Variants in HS3ST3A1 observed in about 807,000 individuals in gnomAD.
HS3ST3A1 encodes the protein heparan sulfate glucosamine 3-O-sulfotransferase 3A1.
HS3ST3A1 carries 19 observed loss-of-function variants against 25.7 expected under a neutral mutation model. The observed-to-expected ratio is 0.74, with a 90% CI of 0.52 to 1.08. The LOEUF is 1.08. HS3ST3A1 is among the 50% of genes least tolerant of loss of function. The probability of loss-of-function intolerance (pLI) is 0.00; values close to 1 mark genes in which losing one functional copy is unlikely to be tolerated. For missense variants in HS3ST3A1, 459 were observed against 594.3 expected, an observed-to-expected ratio of 0.77 and a Z score of 2.37; for synonymous variants, 226 against 278.6, an observed-to-expected ratio of 0.81 and a Z score of 1.88.
chr17:13,598,942 A>G (rs78711884), intron 1 of HS3ST3A1, among the ~76,000 whole-genome samples: 286 of 152,326 alleles, frequency 1.9e-3, no homozygotes, highest in Middle Eastern at 3.4e-3. Flanking sequence ...TAGATGTTTC[A>G]GACAGTCAGC....
In HS3ST3A1 at chr17:13,494,532, C is replaced by T. The variant is rs951995235; in HGVS notation, c.*1665G>A. On this transcript the variant is annotated 3_prime_UTR_variant, in exon 2 of 2. Coordinates refer to ENST00000284110, the MANE Select transcript of HS3ST3A1 (RefSeq NM_006042.3). ...AACTTTAGTTTCTTTTGATTGACAA[C>T]ATTAAAGAAGAAAAAGAATATTATT... Among the ~76,000 whole-genome samples the T allele has an allele frequency of 2.0e-5, 3 of 152,080 alleles. No homozygotes were observed. The highest frequency in any genetic ancestry group is 7.2e-5 in the African/African-American group (3 of 41,416).
intron 1 of HS3ST3A1, among the ~76,000 whole-genome samples, chr17:13,498,236 G>A (rs1905345176): frequency 6.6e-6 from 1 of 152,024 alleles, no homozygotes; most frequent in Admixed American, 6.6e-5. Context: ...CAATCTCTTG[G>A]GCAATCTGAT....
intron 1 of HS3ST3A1, among the ~76,000 whole-genome samples, chr17:13,542,222 G>C (rs1158427991): frequency 1.3e-5 from 2 of 151,866 alleles, no homozygotes; most frequent in Non-Finnish European, 2.9e-5. Context: ...AGCTACTTGG[G>C]AGGCTGAGGC....
chr17:13,508,262 G>C (rs867524244), intron 1 of HS3ST3A1, among the ~76,000 whole-genome samples: 4 of 152,140 alleles, frequency 2.6e-5, no homozygotes, highest in Non-Finnish European at 5.9e-5. Flanking sequence ...GACACAATAT[G>C]TACCAAAGCT....
chr17:13,556,712 C>A (rs1907386581), intron 1 of HS3ST3A1, among the ~76,000 whole-genome samples: 1 of 151,384 alleles, frequency 6.6e-6, no homozygotes, highest in Non-Finnish European at 1.5e-5. Context: ...ATTAGTCAGG[C>A]GTGGTGACAG....
chr17:13,508,915 AC>A (rs1337434312), intron 1 of HS3ST3A1, among the ~76,000 whole-genome samples: 1 of 152,078 alleles, frequency 6.6e-6, no homozygotes, highest in Non-Finnish European at 1.5e-5. Context: ...TTCTTTGTGT[AC>A]CAAGCAAAAA....
chr17:13,580,600 C>T (rs140216742), intron 1 of HS3ST3A1, among the ~76,000 whole-genome samples: 2 of 152,232 alleles, frequency 1.3e-5, no homozygotes, highest in African/African-American at 4.8e-5. Flanking sequence ...AGACTCAGAA[C>T]ACACACAGTG....
chr17:13,499,218 A>G (rs1212622412), intron 1 of HS3ST3A1, among the ~76,000 whole-genome samples: 1 of 152,178 alleles, frequency 6.6e-6, no homozygotes, highest in East Asian at 1.9e-4. Context: ...CCGCGGTGTG[A>G]CATGAATGCA....
intron 1 of HS3ST3A1, among the ~76,000 whole-genome samples, chr17:13,534,625 G>T (rs963811236): frequency 6.7e-6 from 1 of 149,352 alleles, no homozygotes; most frequent in African/African-American, 2.5e-5. Context: ...CATCCTGGGA[G>T]AATGAGGTGG....
chr17:13,516,199 A>G (rs997669266), intron 1 of HS3ST3A1, among the ~76,000 whole-genome samples: 4 of 152,130 alleles, frequency 2.6e-5, no homozygotes, highest in African/African-American at 9.6e-5. Context: ...AATCCCAGCT[A>G]CTCGGAAGGC....
At chr17:13,544,802 T>C (rs1390818500) in intron 1 of HS3ST3A1, among the ~76,000 whole-genome samples, 1 of 150,114 alleles carries the variant, frequency 6.7e-6, no homozygotes, top group Non-Finnish European at 1.5e-5. Context: ...GCCACCAGCA[T>C]GGACAACAGA....
At position 13,600,755 on chromosome 17, in the gene HS3ST3A1, G is replaced by C. The variant is rs767300684; in HGVS notation, c.375C>G (p.Gly125=). ...EESPGLSGGP[G]GSGAGSTVAE... is the part of the protein sequence containing the mutation. ...CCACGGTGCTTCCGGCCCCGGAGCC[G>C]CCCGGACCCCCTGACAGGCCAGGGG... Residue 125 remains glycine (G), a synonymous_variant, in exon 1 of 2, where the codon GGC becomes GGG. Transcript: ENST00000284110. 6.6e-7 allele frequency: 1 copy of C among 1,515,482 alleles called. No homozygotes were observed. Among genetic ancestry groups the C allele is most frequent in the East Asian group, 2.6e-5 (1 of 39,164 alleles). 93.9% of individuals were successfully genotyped at this position (1,515,482 alleles called of 1,614,324 possible).
intron 1 of HS3ST3A1, among the ~76,000 whole-genome samples, chr17:13,584,950 C>A (rs1219361400): frequency 6.6e-6 from 1 of 152,112 alleles, no homozygotes; most frequent in East Asian, 1.9e-4. Context: ...TTCTGTCACA[C>A]CGCAAAAGCC....
intron 1 of HS3ST3A1, among the ~76,000 whole-genome samples, chr17:13,579,466 C>A (rs1474781518): frequency 6.6e-6 from 1 of 151,750 alleles, no homozygotes; most frequent in East Asian, 1.9e-4. Flanking sequence ...TATAGGAGGC[C>A]GAGGTGGGCA....
At chr17:13,499,622 G>A (rs1905396700) in intron 1 of HS3ST3A1, among the ~76,000 whole-genome samples, 1 of 151,986 alleles carries the variant, frequency 6.6e-6, no homozygotes, top group Admixed American at 6.6e-5. Flanking sequence ...GGATTGGGGT[G>A]GGGAAGAGCT....
chr17:13,536,646 A>G (rs1273439697), intron 1 of HS3ST3A1, among the ~76,000 whole-genome samples: 1 of 152,204 alleles, frequency 6.6e-6, no homozygotes, highest in Non-Finnish European at 1.5e-5. Flanking sequence ...GATCACTTCC[A>G]GTTGGCTTCT....
intron 1 of HS3ST3A1, among the ~76,000 whole-genome samples, chr17:13,589,506 ATGT>A: frequency 6.6e-6 from 1 of 152,232 alleles, no homozygotes; most frequent in Non-Finnish European, 1.5e-5. Context: ...TGAACAAATA[ATGT>A]TGTAATCCAA....
chr17:13,556,872 A>G (rs28514885), intron 1 of HS3ST3A1, among the ~76,000 whole-genome samples: 51,520 of 148,116 alleles, frequency 0.35, 11,544 homozygotes, highest in African/African-American at 0.64. Flanking sequence ...AAAAAGCAAG[A>G]TGAAATCAGC....
chr17:13,515,555 G>T (rs1181462768), intron 1 of HS3ST3A1, among the ~76,000 whole-genome samples: 1 of 150,652 alleles, frequency 6.6e-6, no homozygotes, highest in Non-Finnish European at 1.5e-5. Context: ...ACTGCTGGAG[G>T]ACATCGTGGT....
Sources: gnomAD v4.1 joint callset for allele counts (sites outside exome capture counted in the v4.1 genomes callset) on GRCh38, gnomAD v4.1.1 for gene constraint, MANE v1.5 for transcripts, NCBI Gene and HGNC (gene_info 2026-07-23, HGNC 2026-07-21) for gene names.